The following GRM7 variants were observed in gnomAD, a reference collection of about 807,000 sequenced individuals.
The protein encoded by GRM7 is metabotropic glutamate receptor 7.
Under a neutral mutation model 84.5 loss-of-function variants are expected in GRM7, and 35 were observed. That is an observed-to-expected ratio of 0.41 (90% confidence interval 0.32 to 0.55). The LOEUF (loss-of-function observed/expected upper bound fraction) is 0.55, where lower values mean the gene tolerates loss of function less well. Ranked by LOEUF, GRM7 falls within the 20% of genes least tolerant of loss-of-function variation. The pLI, the probability that GRM7 is intolerant of heterozygous loss-of-function variation, is 0.19. For synonymous variants in GRM7, 487 were observed against 455.1 expected, an observed-to-expected ratio of 1.07 and a Z score of -0.89; for missense variants, 1,003 against 1,194.6, an observed-to-expected ratio of 0.84 and a Z score of 2.36.
At chr3:7,483,018 T>C (rs1420854576) in intron 7 of GRM7, among the ~76,000 whole-genome samples, 1 of 152,208 alleles carries the variant, frequency 6.6e-6, no homozygotes, top group Non-Finnish European at 1.5e-5. Context: ...TGTGTTTTTC[T>C]GGAATTCCCG....
intron 1 of GRM7, among the ~76,000 whole-genome samples, chr3:7,028,115 C>G (rs1246480966): frequency 6.6e-6 from 1 of 152,090 alleles, no homozygotes; most frequent in African/African-American, 2.4e-5. Context: ...ATGGCAGGAA[C>G]ATTGTCTTTT....
chr3:7,179,256 A>G (rs549413544), intron 2 of GRM7, among the ~76,000 whole-genome samples: 1 of 152,352 alleles, frequency 6.6e-6, no homozygotes, highest in Non-Finnish European at 1.5e-5. Flanking sequence ...CTGCACCGAC[A>G]CAAAACACCA....
rs1311618611 is a variant in GRM7, at chr3:7,202,545, G to T, written c.736+55877G>T. ...GGGGTTTCACCATGTTAGCTGGGCT[G>T]GTCTTGAACTCCTGACCTCAAGTGA... On this transcript the variant is annotated intron_variant, in intron 2 of 9. Coordinates refer to ENST00000357716, the MANE Select transcript of GRM7 (RefSeq NM_000844.4). Among the ~76,000 whole-genome samples the T allele has an allele frequency of 2.0e-5, 3 of 152,158 alleles. No homozygotes were observed. In the East Asian group the frequency reaches 5.8e-4, roughly 29 times the overall value.
chr3:7,017,495 G>A (rs943095397), intron 1 of GRM7, among the ~76,000 whole-genome samples: 1 of 152,126 alleles, frequency 6.6e-6, no homozygotes, highest in African/African-American at 2.4e-5. Context: ...CAGAAACTGG[G>A]GTAAAGTTTA....
At chr3:7,386,378 G>C (rs1694786857) in intron 4 of GRM7, among the ~76,000 whole-genome samples, 1 of 152,128 alleles carries the variant, frequency 6.6e-6, no homozygotes, top group Non-Finnish European at 1.5e-5. Flanking sequence ...CGCCAAAGTA[G>C]CATGCATAGT....
At chr3:7,380,423 A>C (rs1332370181) in intron 4 of GRM7, among the ~76,000 whole-genome samples, 1 of 152,244 alleles carries the variant, frequency 6.6e-6, no homozygotes. Flanking sequence ...TTGTGTCACC[A>C]CAATATTTCA....
chr3:7,558,327 G>A (rs1199006149), intron 7 of GRM7, among the ~76,000 whole-genome samples: 10 of 152,020 alleles, frequency 6.6e-5, no homozygotes, highest in Non-Finnish European at 7.4e-5. Flanking sequence ...TTATTGAAAA[G>A]CAAATCCTTT....
chr3:7,266,523 A>G (rs1698645876), intron 2 of GRM7, among the ~76,000 whole-genome samples: 2 of 152,210 alleles, frequency 1.3e-5, no homozygotes, highest in South Asian at 4.1e-4. Context: ...TGCAACAAAC[A>G]AATCTCTGTG....
At chr3:7,129,054 G>T (rs9814809) in intron 1 of GRM7, among the ~76,000 whole-genome samples, 3 of 151,930 alleles carry the variant, frequency 2.0e-5, no homozygotes, top group Non-Finnish European at 4.4e-5. Context: ...GTTCATAGCA[G>T]AGTTGGTATG....
intron 8 of GRM7, among the ~76,000 whole-genome samples, chr3:7,654,514 G>C (rs185553429): frequency 1.7e-4 from 26 of 152,276 alleles, no homozygotes; most frequent in Non-Finnish European, 2.9e-4. Flanking sequence ...TGTTACTACT[G>C]CTGCACTGTT....
intron 1 of GRM7, among the ~76,000 whole-genome samples, chr3:6,959,942 C>T (rs1022864607): frequency 6.6e-6 from 1 of 152,078 alleles, no homozygotes; most frequent in Non-Finnish European, 1.5e-5. Flanking sequence ...GTGTTTCTTT[C>T]TGTAGCACCA....
At chr3:7,376,650 T>C (rs746669060) in intron 4 of GRM7, among the ~76,000 whole-genome samples, 1 of 152,242 alleles carries the variant, frequency 6.6e-6, no homozygotes, top group Admixed American at 6.5e-5. Context: ...ATAAGTTTTA[T>C]TGAACCATGC....
chr3:7,291,508 CT>C (rs1699622851), intron 2 of GRM7, among the ~76,000 whole-genome samples: 2 of 12,876 alleles, frequency 1.6e-4, no homozygotes, highest in East Asian at 3.5e-3. Context: ...CTCTCTCTCT[CT>C]CTCTCTCTCT....
intron 1 of GRM7, among the ~76,000 whole-genome samples, chr3:6,995,733 C>T (rs1212783828): frequency 6.6e-6 from 1 of 151,890 alleles, no homozygotes; most frequent in Non-Finnish European, 1.5e-5. Context: ...CAAAATTGAA[C>T]ACAGAAAAAA....
chr3:7,568,674 C>T (rs113963341), intron 7 of GRM7, among the ~76,000 whole-genome samples: 193 of 152,236 alleles, frequency 1.3e-3, no homozygotes, highest in African/African-American at 4.0e-3. Flanking sequence ...GTGGGCTCGG[C>T]GGCCCAGCAC....
chr3:7,262,041 T>G (rs1698449378), intron 2 of GRM7, among the ~76,000 whole-genome samples: 1 of 151,818 alleles, frequency 6.6e-6, no homozygotes, highest in Non-Finnish European at 1.5e-5. Context: ...AGGTCCACTG[T>G]TAGTCTGATG....
intron 7 of GRM7, among the ~76,000 whole-genome samples, chr3:7,568,500 C>T (rs888238146): frequency 9.2e-5 from 14 of 152,238 alleles, no homozygotes; most frequent in Admixed American, 4.6e-4. Flanking sequence ...TCTGGCCACA[C>T]TTGAGGAGCC....
chr3:7,375,975 GC>G (rs1347423346), intron 4 of GRM7, among the ~76,000 whole-genome samples: 3 of 152,158 alleles, frequency 2.0e-5, no homozygotes, highest in Non-Finnish European at 4.4e-5. Flanking sequence ...TATTTCACTT[GC>G]TTTATAACCC....
At chr3:7,251,939 T>C (rs907786127) in intron 2 of GRM7, among the ~76,000 whole-genome samples, 5 of 152,180 alleles carry the variant, frequency 3.3e-5, no homozygotes, top group African/African-American at 1.2e-4. Context: ...ATAAGTAAAC[T>C]CCAGTAGCCG....
Sources: gnomAD v4.1 joint callset for allele counts (sites outside exome capture counted in the v4.1 genomes callset) on GRCh38, gnomAD v4.1.1 for gene constraint, MANE v1.5 for transcripts, NCBI Gene and HGNC (gene_info 2026-07-23, HGNC 2026-07-21) for gene names.